DCK: variants seen among roughly 807,000 people sequenced by gnomAD.
The protein encoded by DCK is deoxycytidine kinase.
In DCK, 23 loss-of-function variants were observed where a neutral mutation model predicts 38.3. That is an observed-to-expected ratio of 0.60 (90% confidence interval 0.43 to 0.85). The LOEUF (loss-of-function observed/expected upper bound fraction) is 0.85. DCK is among the 40% of genes least tolerant of loss of function. DCK has a pLI of 0.00. For missense variants in DCK, 259 were observed against 304.4 expected (o/e 0.85, Z 1.11); for synonymous variants, 108 against 100.6 (o/e 1.07, Z -0.44).
At chr4:70,998,029 C>A in intron 1 of DCK, 38 bp from the exon 2 acceptor site, 5 of 1,115,066 alleles carry the variant, frequency 4.5e-6, no homozygotes, top group Non-Finnish European at 6.6e-6. Flanking sequence ...TTTTTCCTGA[C>A]AACTTTTCTT....
Position 70,994,156 on chromosome 4 carries a change from C to T in DCK, c.91+230C>T, listed in dbSNP as rs1256569045. ...AGACTGGGCGCCAGGCCTGCGGTCT[C>T]TGTGAGGCGCGCTTTGAACCTCTGC... On this transcript the variant is annotated intron_variant, in intron 1 of 6. Coordinates refer to ENST00000286648, the MANE Select transcript of DCK (RefSeq NM_000788.3). The T allele has an allele frequency of 5.2e-6, 3 of 581,700 alleles. No individual in the cohort carries two copies. The Admixed American group carries it at 9.0e-5, about 17-fold the overall frequency. The allele number at this position is 581,700 out of a possible 1,614,324, so 36.0% of individuals were successfully genotyped here. A position where few individuals can be genotyped will look rare whatever the true frequency, so the allele number is the denominator to read the frequency against.
intron 3 of DCK, 47 bp downstream of exon 3, chr4:71,022,607 G>T (rs878885678): frequency 2.7e-6 from 3 of 1,109,784 alleles, no homozygotes; most frequent in Non-Finnish European, 3.5e-6. Context: ...TTTTATCTTA[G>T]AACTGGACTT....
At chr4:71,013,600 A>G (rs1740161531) in intron 2 of DCK, among the ~76,000 whole-genome samples, 1 of 152,230 alleles carries the variant, frequency 6.6e-6, no homozygotes, top group Non-Finnish European at 1.5e-5. Context: ...GTGGGGGCCA[A>G]TATTCAACAT....
At chr4:71,016,320 G>T (rs943976846) in intron 2 of DCK, among the ~76,000 whole-genome samples, 3 of 152,186 alleles carry the variant, frequency 2.0e-5, no homozygotes, top group Non-Finnish European at 4.4e-5. Context: ...CATGCTCGTG[G>T]ATAGGAAGAA....
chr4:71,024,019 A>G (rs1740491132), intron 4 of DCK, among the ~76,000 whole-genome samples: 1 of 152,202 alleles, frequency 6.6e-6, no homozygotes. Context: ...AATGTGGTCA[A>G]GCAACTCCTA....
At position 71,023,706 on chromosome 4, in the gene DCK, G is replaced by C. The variant is rs1390799395; in HGVS notation, c.549G>C (p.Glu183Asp). Residue 183 changes from glutamate to aspartate, a missense_variant and splice_region_variant, in exon 4 of 7, where the codon GAG (glutamate) becomes GAC (aspartate). Physicochemically the swap from Glu to Asp is conservative, Grantham distance 45. Coordinates refer to ENST00000286648, the MANE Select transcript of DCK (RefSeq NM_000788.3). Reference protein sequence around the residue: ...DGIIYLQATPETCLHRIYLRG... With the variant: ...DGIIYLQATPDTCLHRIYLRG... ...TCATTTATCTTCAAGCCACTCCAGA[G>C]GTAAAACCCAATAAAAATGTGTTTC... 4 of 1,598,378 alleles carry C rather than the reference G, an allele frequency of 2.5e-6. No homozygotes were observed. The highest frequency in any genetic ancestry group is 3.4e-6 in the Non-Finnish European group (4 of 1,175,344).
At position 71,029,570 on chromosome 4, in the gene DCK, TA is replaced by T; in HGVS notation, c.*198del. 13 of 547,538 alleles carry T rather than the reference TA, an allele frequency of 2.4e-5. No homozygotes were observed. The highest frequency in any genetic ancestry group is 3.5e-5 in the Admixed American group (1 of 28,534). 33.9% of individuals were successfully genotyped at this position (547,538 alleles called of 1,614,324 possible). On this transcript the variant is annotated 3_prime_UTR_variant, in exon 7 of 7. Transcript: ENST00000286648. ...AGTTTCTTTTCTTTTGTTTTTTTTT[TA>T]AAAAAGACATTTAAAGACAAAGACA... is the stretch of plus-strand genomic sequence containing the variant.
rs113155520 is a variant in DCK, at chr4:71,015,946, T to G, written c.208-6421T>G. 9.9e-3 allele frequency among the ~76,000 whole-genome samples: 1,510 copies of G among 152,138 alleles called. 39 individuals carry two copies. Among genetic ancestry groups the G allele is most frequent in the African/African-American group, 0.035 (1,450 of 41,504 alleles). On this transcript the variant is annotated intron_variant, in intron 2 of 6. Coordinates refer to ENST00000286648, the MANE Select transcript of DCK (RefSeq NM_000788.3). Reference sequence around the variant, plus strand: ...AGTTCTGGCCAGGGTAATCAGGTAGTAGAAGGAAATAAAGGGTATTCAATT... The same window carrying G: ...AGTTCTGGCCAGGGTAATCAGGTAGGAGAAGGAAATAAAGGGTATTCAATT...
chr4:71,016,291 A>C (rs1740259712), intron 2 of DCK, among the ~76,000 whole-genome samples: 2 of 152,210 alleles, frequency 1.3e-5, no homozygotes, highest in Non-Finnish European at 2.9e-5. Context: ...AGAGGACACA[A>C]ACAAATGGAA....
chr4:71,012,762 C>A (rs191013689), intron 2 of DCK, among the ~76,000 whole-genome samples: 125 of 152,282 alleles, frequency 8.2e-4, no homozygotes, highest in Non-Finnish European at 1.5e-3. Flanking sequence ...AAAACCCCAT[C>A]TGTACGTCAC....
intron 6 of DCK, chr4:71,028,849 C>G (rs1254515943): frequency 3.6e-6 from 1 of 274,430 alleles, no homozygotes; most frequent in Non-Finnish European, 7.2e-6. Context: ...CCTCTGCCTC[C>G]CAGGTTCAAG....
intron 2 of DCK, among the ~76,000 whole-genome samples, chr4:71,014,502 T>C (rs1238932684): frequency 1.3e-5 from 2 of 152,194 alleles, no homozygotes; most frequent in African/African-American, 4.8e-5. Flanking sequence ...ATTCCAAAAT[T>C]GACCACATAG....
intron 2 of DCK, among the ~76,000 whole-genome samples, chr4:71,008,683 C>G (rs1457488536): frequency 6.6e-6 from 1 of 152,174 alleles, no homozygotes; most frequent in Non-Finnish European, 1.5e-5. Context: ...GGGTATTGGA[C>G]TAGGTGACCT....
intron 2 of DCK, 78 bp from the exon 3 acceptor site, chr4:71,022,289 T>C (rs1006458859): frequency 3.4e-5 from 26 of 767,612 alleles, no homozygotes; most frequent in Non-Finnish European, 5.0e-5. Flanking sequence ...CTGACTTTTA[T>C]TTTTTAGCCT....
chr4:71,023,411 A>G, intron 3 of DCK, 148 bp from the exon 4 acceptor site: 2 of 577,412 alleles, frequency 3.5e-6, no homozygotes, highest in South Asian at 2.6e-5. Context: ...GGCCAAAAAC[A>G]TGATGGAAAG....
At chr4:70,997,597 G>GT (rs1739688973) in intron 1 of DCK, among the ~76,000 whole-genome samples, 1 of 152,116 alleles carries the variant, frequency 6.6e-6, no homozygotes, top group African/African-American at 2.4e-5. Context: ...CAAGTCAAAG[G>GT]TAAGTTCTTT....
intron 2 of DCK, among the ~76,000 whole-genome samples, chr4:71,019,526 G>T (rs1174204346): frequency 6.6e-6 from 1 of 152,012 alleles, no homozygotes; most frequent in Non-Finnish European, 1.5e-5. Context: ...GAGACCCCTG[G>T]AGCTTCTCCT....
At chr4:71,008,356 A>G (rs529357389) in intron 2 of DCK, among the ~76,000 whole-genome samples, 1 of 151,938 alleles carries the variant, frequency 6.6e-6, no homozygotes, top group African/African-American at 2.4e-5. Context: ...TTTAATTTGT[A>G]TTTCCCCGCT....
At chr4:71,020,322 G>A (rs1740381460) in intron 2 of DCK, among the ~76,000 whole-genome samples, 1 of 152,208 alleles carries the variant, frequency 6.6e-6, no homozygotes, top group African/African-American at 2.4e-5. Context: ...CCTAGTTGGT[G>A]ATGTGTATTT....
Sources: allele counts gnomAD v4.1 joint callset (sites outside exome capture counted in the v4.1 genomes callset), GRCh38; gene constraint gnomAD v4.1.1; transcripts MANE v1.5; gene names NCBI Gene and HGNC (gene_info 2026-07-23, HGNC 2026-07-21).